RBBP5: variants seen among roughly 807,000 people sequenced by gnomAD.
RBBP5 encodes retinoblastoma-binding protein 5.
RBBP5 carries 5 observed loss-of-function variants against 72.2 expected under a neutral mutation model. The ratio of observed to expected loss-of-function variants is 0.07; its 90% confidence interval spans 0.04 to 0.15. The LOEUF (loss-of-function observed/expected upper bound fraction) is 0.15. Ranked by LOEUF, RBBP5 falls within the 10% of genes least tolerant of loss-of-function variation. The pLI, the probability that RBBP5 is intolerant of heterozygous loss-of-function variation, is 1.00. For missense variants in RBBP5, 322 were observed against 652.2 expected (o/e 0.49, Z 5.51); for synonymous variants, 209 against 237.2 (o/e 0.88, Z 1.09).
intron 3 of RBBP5, among the ~76,000 whole-genome samples, chr1:205,112,736 G>C (rs551379759): frequency 6.6e-6 from 1 of 152,236 alleles, no homozygotes; most frequent in East Asian, 1.9e-4. Context: ...AGTTGTTAAA[G>C]GCTACTCAAG....
chr1:205,099,623 G>A lies in RBBP5; in HGVS notation c.978+118C>T. The A allele has an allele frequency of 9.1e-7, 1 of 1,099,702 alleles. No individual in the cohort carries two copies. Among genetic ancestry groups the A allele is most frequent in the Non-Finnish European group, 1.3e-6 (1 of 763,378 alleles). 68.1% of individuals were successfully genotyped at this position (1,099,702 alleles called of 1,614,324 possible). On this transcript the variant is annotated intron_variant, in intron 9 of 13. Coordinates refer to ENST00000264515, the MANE Select transcript of RBBP5 (RefSeq NM_005057.4). This position sits in a 1 kb window ranked among gnomAD's most constrained non-coding sequence, Gnocchi z 4.7. ...GATGCACTGAACCTATGTAATTTAG[G>A]TTGCGAGAATCATATGCAAAAGAAA...
chr1:205,120,304 TCTA>T (rs1656686550), intron 1 of RBBP5, among the ~76,000 whole-genome samples: 1 of 152,118 alleles, frequency 6.6e-6, no homozygotes, highest in South Asian at 2.1e-4. Context: ...CTTCAATGGA[TCTA>T]CCCTACCTTC....
At position 205,114,906 on chromosome 1, in the gene RBBP5, C is replaced by T; in HGVS notation, c.101G>A (p.Arg34Lys). ...ISMALTCTFN[R>K]WGTLLAVGCN... ...GCCAACTGCAAGCAGTGTGCCCCAC[C>T]TGTTAAAGGTGCAAGTCAAAGCCAT... Residue 34 changes from arginine (R) to lysine (K), a missense_variant, in exon 3 of 14, where the codon AGG becomes AAG. By Grantham distance (26) the Arg-to-Lys change is conservative (BLOSUM62 2). Coordinates refer to ENST00000264515, the MANE Select transcript of RBBP5 (RefSeq NM_005057.4). The T allele has an allele frequency of 1.9e-6, 3 of 1,592,880 alleles. No individual in the cohort carries two copies. Among genetic ancestry groups the T allele is most frequent in the Non-Finnish European group, 2.6e-6 (3 of 1,167,022 alleles).
intron 12 of RBBP5, among the ~76,000 whole-genome samples, 166 bp from the exon 13 acceptor site, chr1:205,095,230 T>G (rs1175067458): frequency 1.3e-5 from 2 of 152,340 alleles, no homozygotes; most frequent in Non-Finnish European, 2.9e-5. Flanking sequence ...GGTCATTAAA[T>G]GAGAGATAGT....
Position 205,114,821 on chromosome 1 carries a change from A to G in RBBP5, c.186T>C (p.Ile62=), listed in dbSNP as rs1656459658. The G allele has an allele frequency of 6.4e-7, 1 of 1,552,822 alleles. No individual in the cohort carries two copies. ...DFLTRGIAKI[I]SAHIHPVCSL... ...AACACACTGGATGGATGTGTGCACTAATTATTTTAGCAATGCCTCTTGTCA... is the reference window on the plus strand; with the variant it reads ...AACACACTGGATGGATGTGTGCACTGATTATTTTAGCAATGCCTCTTGTCA... The change falls in exon 3 of 14, where the codon ATT becomes ATC. Residue 62 remains isoleucine (I), a synonymous_variant. Transcript: ENST00000264515.
chr1:205,104,846 GAA>G (rs1412416909), intron 4 of RBBP5, among the ~76,000 whole-genome samples, 180 bp downstream of exon 4: 1 of 150,668 alleles, frequency 6.6e-6, no homozygotes, highest in Non-Finnish European at 1.5e-5. Flanking sequence ...TCAAAAAAAA[GAA>G]AGAAAGAAAG....
At chr1:205,092,166 T>C (rs1655373118) in intron 13 of RBBP5, among the ~76,000 whole-genome samples, 1 of 152,188 alleles carries the variant, frequency 6.6e-6, no homozygotes, top group Non-Finnish European at 1.5e-5. Flanking sequence ...ATCTGTGATA[T>C]CCAATTTCAT....
intron 3 of RBBP5, 44 bp from the exon 4 acceptor site, chr1:205,105,212 T>A: frequency 6.3e-7 from 1 of 1,576,702 alleles, no homozygotes; most frequent in Non-Finnish European, 8.6e-7. Flanking sequence ...TCTAAGTATA[T>A]CATACCACTC....
chr1:205,118,936 C>T (rs1156449215), intron 1 of RBBP5, among the ~76,000 whole-genome samples: 1 of 152,256 alleles, frequency 6.6e-6, no homozygotes, highest in Non-Finnish European at 1.5e-5. Flanking sequence ...TTTCCTTCAT[C>T]TGGCCAGATG....
intron 5 of RBBP5, 117 bp from the exon 6 acceptor site, chr1:205,101,826 A>G (rs753473276): frequency 1.1e-5 from 8 of 697,954 alleles, no homozygotes; most frequent in Non-Finnish European, 1.9e-5. Flanking sequence ...CTCTATTCCC[A>G]TATATTTGAC....
chr1:205,115,218 G>A (rs1477248127), intron 2 of RBBP5, among the ~76,000 whole-genome samples: 1 of 151,962 alleles, frequency 6.6e-6, no homozygotes. Context: ...ACTTTCTGGA[G>A]GGCAAATGGG....
rs577507893 is a variant in RBBP5 at position 205,096,538 on chromosome 1, A to G, written c.1396+144T>C. The G allele has an allele frequency of 6.3e-5, 45 of 711,812 alleles. No individual in the cohort carries two copies. The Middle Eastern group carries it at 2.8e-3, about 45-fold the overall frequency. 44.1% of individuals were successfully genotyped at this position (711,812 alleles called of 1,614,324 possible). A position where few individuals can be genotyped will look rare whatever the true frequency, so the allele number is the denominator to read the frequency against. ...AGAAGTGAACACAGACGCAATCATTATAAAGTTGTAAAACACTATAAAACA... is the reference window on the plus strand; with the variant it reads ...AGAAGTGAACACAGACGCAATCATTGTAAAGTTGTAAAACACTATAAAACA... On this transcript the variant is annotated intron_variant, in intron 12 of 13. Coordinates refer to ENST00000264515, the MANE Select transcript of RBBP5 (RefSeq NM_005057.4).
chr1:205,117,609 G>A (rs550747264), intron 1 of RBBP5, among the ~76,000 whole-genome samples: 28 of 151,752 alleles, frequency 1.8e-4, no homozygotes, highest in African/African-American at 6.3e-4. Flanking sequence ...GCAGTGAGCC[G>A]AGGTCACACC....
intron 1 of RBBP5, among the ~76,000 whole-genome samples, chr1:205,119,880 C>A (rs1468832412): frequency 1.3e-5 from 2 of 152,116 alleles, no homozygotes; most frequent in Non-Finnish European, 2.9e-5. Context: ...CTTTTCTCCC[C>A]CTCCCACTTT....
intron 1 of RBBP5, among the ~76,000 whole-genome samples, chr1:205,118,050 T>C (rs542228844): frequency 6.6e-5 from 10 of 151,992 alleles, no homozygotes; most frequent in Admixed American, 2.0e-4. Context: ...CCTCAGGTGA[T>C]CCACCCACTC....
intron 1 of RBBP5, among the ~76,000 whole-genome samples, chr1:205,119,547 G>A (rs1656658328): frequency 1.3e-5 from 2 of 152,082 alleles, no homozygotes; most frequent in South Asian, 2.1e-4. Context: ...ACAAGTAAGC[G>A]TCAACCTTTT....
intron 13 of RBBP5, 35 bp downstream of exon 13, chr1:205,094,838 A>G: frequency 6.3e-7 from 1 of 1,581,656 alleles, no homozygotes; most frequent in Non-Finnish European, 8.6e-7. Context: ...CAAGGCCACG[A>G]AGCAAGCCAG....
chr1:205,120,501 T>A lies in RBBP5; in HGVS notation c.19+1354A>T, dbSNP rs1367092187. On this transcript the variant is annotated intron_variant, in intron 1 of 13. Transcript: ENST00000264515. ...TTTTCATACTTCAGCCTGTTGATAT[T>A]TTACCAACCTTAAAAATCCACTTAA... Among the ~76,000 whole-genome samples the A allele has an allele frequency of 3.3e-5, 5 of 152,160 alleles. No homozygotes were observed. The East Asian group carries it at 9.6e-4, about 29-fold the overall frequency.
chr1:205,101,068 G>C (rs906763522), intron 6 of RBBP5, among the ~76,000 whole-genome samples: 7 of 152,176 alleles, frequency 4.6e-5, no homozygotes, highest in Non-Finnish European at 8.8e-5. Flanking sequence ...TTCCTAACAG[G>C]CCAATACTGG....
Sources: allele counts gnomAD v4.1 joint callset (sites outside exome capture counted in the v4.1 genomes callset), GRCh38; gene constraint gnomAD v4.1.1; non-coding constraint Gnocchi (gnomAD v3.1); transcripts MANE v1.5; gene names NCBI Gene and HGNC (gene_info 2026-07-23, HGNC 2026-07-21).